Variants in RBMS3 observed in about 807,000 individuals in gnomAD.
RBMS3 encodes RNA-binding motif, single-stranded-interacting protein 3.
RBMS3 carries 27 observed loss-of-function variants against 66.8 expected under a neutral mutation model. The observed-to-expected ratio is 0.40, with a 90% confidence interval of 0.30 to 0.56. The LOEUF (loss-of-function observed/expected upper bound fraction) is 0.56. RBMS3 is among the 20% of genes least tolerant of loss of function. The pLI, the probability that RBMS3 is intolerant of heterozygous loss-of-function variation, is 0.40. For synonymous variants in RBMS3, 188 were observed against 183.0 expected (o/e 1.03, Z -0.22); for missense variants, 513 against 549.5 (o/e 0.93, Z 0.66).
chr3:29,879,539 T>C (rs2059688650), intron 7 of RBMS3, among the ~76,000 whole-genome samples: 1 of 152,206 alleles, frequency 6.6e-6, no homozygotes, highest in Non-Finnish European at 1.5e-5. Flanking sequence ...TTTAATAAAA[T>C]ATTCAACATT....
intron 1 of RBMS3, among the ~76,000 whole-genome samples, chr3:29,314,202 T>A (rs1342058592): frequency 6.6e-6 from 1 of 151,774 alleles, no homozygotes; most frequent in Non-Finnish European, 1.5e-5. Flanking sequence ...CCCATGATAC[T>A]GTATCCTACA....
At chr3:29,601,653 TA>T in intron 4 of RBMS3, among the ~76,000 whole-genome samples, 1 of 152,196 alleles carries the variant, frequency 6.6e-6, no homozygotes, top group East Asian at 1.9e-4. Flanking sequence ...TTTACTGTTC[TA>T]ATGTTTCACT....
chr3:29,329,885 CTA>C (rs1448846458), intron 1 of RBMS3, among the ~76,000 whole-genome samples: 1 of 146,890 alleles, frequency 6.8e-6, no homozygotes, highest in Admixed American at 6.8e-5. Context: ...ATTAATATAA[CTA>C]TATAATTAAT....
At chr3:29,354,513 T>A (rs966584922) in intron 1 of RBMS3, among the ~76,000 whole-genome samples, 2 of 152,118 alleles carry the variant, frequency 1.3e-5, no homozygotes, top group African/African-American at 4.8e-5. Flanking sequence ...TGTGTATAGA[T>A]ATAGACATAG....
At chr3:29,850,180 A>G (rs2058895882) in intron 6 of RBMS3, among the ~76,000 whole-genome samples, 1 of 152,192 alleles carries the variant, frequency 6.6e-6, no homozygotes, top group African/African-American at 2.4e-5. Flanking sequence ...AGGAGGGGAT[A>G]CGCAGAAAAA....
At chr3:29,734,065 AAG>A (rs1195191531) in intron 4 of RBMS3, among the ~76,000 whole-genome samples, 1 of 152,100 alleles carries the variant, frequency 6.6e-6, no homozygotes, top group Non-Finnish European at 1.5e-5. Flanking sequence ...TTAGTCATAA[AAG>A]AGAATAAAAT....
At chr3:29,311,780 A>G (rs1198008048) in intron 1 of RBMS3, among the ~76,000 whole-genome samples, 2 of 151,782 alleles carry the variant, frequency 1.3e-5, no homozygotes, top group Admixed American at 6.6e-5. Flanking sequence ...TGGCCATTTT[A>G]GTGACCTAGG....
At chr3:29,730,900 A>G (rs2054102222) in intron 4 of RBMS3, 2 of 985,250 alleles carry the variant, frequency 2.0e-6, no homozygotes, top group South Asian at 4.7e-5. Flanking sequence ...AGAAACCATC[A>G]CATCAGGGCT....
At chr3:29,413,415 T>C (rs1485280369) in intron 1 of RBMS3, among the ~76,000 whole-genome samples, 1 of 114,788 alleles carries the variant, frequency 8.7e-6, no homozygotes, top group South Asian at 3.2e-4. Flanking sequence ...CATACATACA[T>C]ACATACATAC....
intron 3 of RBMS3, among the ~76,000 whole-genome samples, chr3:29,505,143 A>G (rs2044133233): frequency 1.3e-5 from 2 of 152,020 alleles, no homozygotes; most frequent in South Asian, 2.1e-4. Flanking sequence ...GACCAATGTC[A>G]CAGAGCTTTT....
chr3:29,753,694 G>A (rs186002400), intron 5 of RBMS3, among the ~76,000 whole-genome samples: 158 of 152,188 alleles, frequency 1.0e-3, no homozygotes, highest in Non-Finnish European at 1.8e-3. Flanking sequence ...AACAGCTCTT[G>A]CAAATCTTTA....
chr3:29,305,426 G>A (rs1161151027), intron 1 of RBMS3, among the ~76,000 whole-genome samples: 1 of 151,874 alleles, frequency 6.6e-6, no homozygotes, highest in African/African-American at 2.4e-5. Flanking sequence ...TCAACACAAT[G>A]GTAGGTGCTC....
At chr3:29,899,500 G>A (rs1356091425) in intron 9 of RBMS3, among the ~76,000 whole-genome samples, 1 of 151,660 alleles carries the variant, frequency 6.6e-6, no homozygotes, top group Non-Finnish European at 1.5e-5. Flanking sequence ...CCACTGATAG[G>A]GGAAGTTGCT....
At chr3:29,395,124 C>T (rs1471829598) in intron 1 of RBMS3, among the ~76,000 whole-genome samples, 1 of 152,154 alleles carries the variant, frequency 6.6e-6, no homozygotes, top group Non-Finnish European at 1.5e-5. Flanking sequence ...CTGTTCAAAT[C>T]CTCATTACCA....
At chr3:29,366,471 A>G (rs2037910409) in intron 1 of RBMS3, among the ~76,000 whole-genome samples, 1 of 152,160 alleles carries the variant, frequency 6.6e-6, no homozygotes, top group Non-Finnish European at 1.5e-5. Context: ...CTGCAGCTTC[A>G]AATTATTGGG....
At chr3:29,438,270 A>G (rs2041477640) in intron 2 of RBMS3, among the ~76,000 whole-genome samples, 1 of 152,150 alleles carries the variant, frequency 6.6e-6, no homozygotes, top group African/African-American at 2.4e-5. Flanking sequence ...TTTAGAGTTA[A>G]TATTCCTTAT....
At chr3:29,927,338 G>A (rs1447972685) in intron 10 of RBMS3, among the ~76,000 whole-genome samples, 1 of 152,160 alleles carries the variant, frequency 6.6e-6, no homozygotes, top group Non-Finnish European at 1.5e-5. Flanking sequence ...CTGCTGGTGA[G>A]CAAGTGCCAT....
chr3:29,292,387 G>A (rs2032889911), intron 1 of RBMS3, among the ~76,000 whole-genome samples: 1 of 151,606 alleles, frequency 6.6e-6, no homozygotes, highest in Admixed American at 6.6e-5. Flanking sequence ...CTGCTAGTTG[G>A]TAGCACAAAG....
At chr3:29,288,725 C>A (rs1229764034) in intron 1 of RBMS3, among the ~76,000 whole-genome samples, 1 of 151,872 alleles carries the variant, frequency 6.6e-6, no homozygotes, top group African/African-American at 2.4e-5. Context: ...GTAACTATAA[C>A]AATTAATGAA....
Sources: gnomAD v4.1 joint callset for allele counts (sites outside exome capture counted in the v4.1 genomes callset) on GRCh38, gnomAD v4.1.1 for gene constraint, MANE v1.5 for transcripts, NCBI Gene and HGNC (gene_info 2026-07-23, HGNC 2026-07-21) for gene names.